The following RORA variants were observed in gnomAD, a reference collection of about 807,000 sequenced individuals.
The protein encoded by RORA is RAR related orphan receptor A.
Under a neutral mutation model 69.5 loss-of-function variants are expected in RORA, and 7 were observed. That is an observed-to-expected ratio of 0.10 (90% CI 0.06 to 0.19). RORA has a LOEUF of 0.19. Ranked by LOEUF, RORA falls within the 10% of genes least tolerant of loss-of-function variation. The pLI, the probability that RORA is intolerant of heterozygous loss-of-function variation, is 1.00. For synonymous variants in RORA, 261 were observed against 240.8 expected (o/e 1.08, Z -0.78); for missense variants, 457 against 663.0 (o/e 0.69, Z 3.41).
intron 1 of RORA, among the ~76,000 whole-genome samples, chr15:60,720,856 A>G (rs1443355507): frequency 2.0e-5 from 3 of 152,084 alleles, no homozygotes; most frequent in African/African-American, 7.3e-5. Flanking sequence ...CTTTCCTTGC[A>G]TTTGAATTTG....
At chr15:60,723,171 G>C (rs1351278810) in intron 1 of RORA, among the ~76,000 whole-genome samples, 1 of 152,032 alleles carries the variant, frequency 6.6e-6, no homozygotes, top group Non-Finnish European at 1.5e-5. Flanking sequence ...ATCCAAGAAA[G>C]ATATTGTCAA....
At chr15:61,018,449 A>T (rs1287761182) in intron 1 of RORA, among the ~76,000 whole-genome samples, 1 of 152,180 alleles carries the variant, frequency 6.6e-6, no homozygotes, top group East Asian at 1.9e-4. Flanking sequence ...GTACTTTATA[A>T]ATGTAAGGTG....
At chr15:60,884,251 A>T (rs1221370559) in intron 1 of RORA, among the ~76,000 whole-genome samples, 1 of 152,212 alleles carries the variant, frequency 6.6e-6, no homozygotes, top group Non-Finnish European at 1.5e-5. Context: ...TGGCACAGAC[A>T]TGAGAGGCTA....
chr15:61,081,468 C>T (rs2078538813), intron 1 of RORA, among the ~76,000 whole-genome samples: 2 of 152,010 alleles, frequency 1.3e-5, no homozygotes, highest in Admixed American at 1.3e-4. Context: ...TCTTATTTCC[C>T]CGTGTATATT....
chr15:60,893,275 G>A (rs568751345), intron 1 of RORA, among the ~76,000 whole-genome samples: 37 of 152,354 alleles, frequency 2.4e-4, no homozygotes, highest in Non-Finnish European at 3.1e-4. Flanking sequence ...GCAATTAGCA[G>A]CCATGTCCTT....
At chr15:60,701,419 GAGTC>G (rs2070979760) in intron 1 of RORA, among the ~76,000 whole-genome samples, 1 of 152,224 alleles carries the variant, frequency 6.6e-6, no homozygotes, top group Non-Finnish European at 1.5e-5. Context: ...TGGAGGAAGT[GAGTC>G]AGTATCTCAC....
intron 1 of RORA, among the ~76,000 whole-genome samples, chr15:61,027,359 C>A (rs187066714): frequency 6.6e-6 from 1 of 152,242 alleles, no homozygotes; most frequent in Non-Finnish European, 1.5e-5. Flanking sequence ...ATTCATTTGC[C>A]CATTAACACA....
At chr15:60,794,308 C>A (rs1013307529) in intron 1 of RORA, among the ~76,000 whole-genome samples, 1 of 152,180 alleles carries the variant, frequency 6.6e-6, no homozygotes, top group African/African-American at 2.4e-5. Flanking sequence ...TCTTGAGAAA[C>A]CTTTTCTCCC....
chr15:61,055,421 G>A (rs1030451893), intron 1 of RORA, among the ~76,000 whole-genome samples: 3 of 152,256 alleles, frequency 2.0e-5, no homozygotes, highest in Non-Finnish European at 4.4e-5. Flanking sequence ...TGTTTACAGA[G>A]TGCCTTAAGC....
At chr15:60,907,092 G>T (rs939737933) in intron 1 of RORA, among the ~76,000 whole-genome samples, 1 of 152,024 alleles carries the variant, frequency 6.6e-6, no homozygotes, top group Non-Finnish European at 1.5e-5. Flanking sequence ...ACTTTGGGAG[G>T]GAGGTATCAT....
chr15:60,819,789 A>T (rs971858879), intron 1 of RORA, among the ~76,000 whole-genome samples: 4 of 136,154 alleles, frequency 2.9e-5, no homozygotes, highest in Non-Finnish European at 6.5e-5. Flanking sequence ...ACACACACAC[A>T]CACACGGGTT....
chr15:61,066,709 C>T (rs1047773879), intron 1 of RORA, among the ~76,000 whole-genome samples: 32 of 151,260 alleles, frequency 2.1e-4, no homozygotes, highest in South Asian at 2.1e-4. Flanking sequence ...ATTACAAGCG[C>T]GAGCCACTAT....
intron 2 of RORA, among the ~76,000 whole-genome samples, chr15:60,607,620 A>G (rs1172591070): frequency 1.3e-5 from 2 of 152,190 alleles, no homozygotes; most frequent in Non-Finnish European, 2.9e-5. Context: ...TTTAACTCTA[A>G]TATTAGCCAA....
chr15:60,897,623 A>G (rs1162330125), intron 1 of RORA, among the ~76,000 whole-genome samples: 2 of 152,238 alleles, frequency 1.3e-5, no homozygotes, highest in African/African-American at 4.8e-5. Context: ...CCCTGCAGCT[A>G]AAGACATCTT....
intron 1 of RORA, among the ~76,000 whole-genome samples, chr15:60,995,290 C>A (rs1012508908): frequency 5.9e-5 from 9 of 152,098 alleles, no homozygotes; most frequent in African/African-American, 1.7e-4. Context: ...GTTAGCACTC[C>A]GGGTACAGAG....
intron 1 of RORA, among the ~76,000 whole-genome samples, chr15:61,083,999 G>C (rs2078585194): frequency 6.6e-6 from 1 of 152,138 alleles, no homozygotes. Flanking sequence ...AGGCCCAAGA[G>C]TTAGCTGGGT....
At chr15:61,158,350 G>C (rs2079464017) in intron 1 of RORA, among the ~76,000 whole-genome samples, 1 of 152,192 alleles carries the variant, frequency 6.6e-6, no homozygotes, top group Non-Finnish European at 1.5e-5. Flanking sequence ...GGATGTCTTT[G>C]CAAGTTGTGG....
At chr15:60,751,894 T>C (rs566475842) in intron 1 of RORA, among the ~76,000 whole-genome samples, 3 of 152,254 alleles carry the variant, frequency 2.0e-5, no homozygotes, top group South Asian at 2.1e-4. Flanking sequence ...GATGGGACTT[T>C]ATTTCTCACC....
At chr15:61,122,261 A>G (rs1389216551) in intron 1 of RORA, among the ~76,000 whole-genome samples, 1 of 152,158 alleles carries the variant, frequency 6.6e-6, no homozygotes, top group East Asian at 1.9e-4. Flanking sequence ...AAATCTCACA[A>G]TGGATAACAG....
Sources: allele counts gnomAD v4.1 joint callset (sites outside exome capture counted in the v4.1 genomes callset), GRCh38; gene constraint gnomAD v4.1.1; transcripts MANE v1.5; gene names NCBI Gene and HGNC (gene_info 2026-07-23, HGNC 2026-07-21).